KDM4C: variants seen among roughly 807,000 people sequenced by gnomAD.
KDM4C encodes the protein lysine demethylase 4C, also known as lysine-specific demethylase 4C.
Under a neutral mutation model 129.3 loss-of-function variants are expected in KDM4C, and 81 were observed. The ratio of observed to expected loss-of-function variants is 0.63; its 90% CI spans 0.52 to 0.75. KDM4C has a LOEUF of 0.75. Among genes scored for constraint, KDM4C ranks in the 30% least tolerant of loss-of-function variants. The probability of loss-of-function intolerance (pLI) is 0.00; values close to 1 mark genes in which losing one functional copy is unlikely to be tolerated. For synonymous variants in KDM4C, 573 were observed against 456.1 expected (o/e 1.26, Z -3.26); for missense variants, 1,457 against 1,304.0 (o/e 1.12, Z -1.81).
intron 8 of KDM4C, among the ~76,000 whole-genome samples, chr9:6,931,726 G>C (rs62533770): frequency 0.25 from 38,546 of 151,974 alleles, 5,407 homozygotes; most frequent in South Asian, 0.39. Flanking sequence ...GTCTTGAACT[G>C]CTGGACTCAA....
intron 15 of KDM4C, among the ~76,000 whole-genome samples, chr9:7,023,711 A>G (rs933543878): frequency 5.3e-5 from 8 of 151,898 alleles, no homozygotes; most frequent in Non-Finnish European, 1.0e-4. Flanking sequence ...GTTTTTTAAG[A>G]TGCATTGTTA....
chr9:6,983,525 C>T (rs1012693970), intron 9 of KDM4C, among the ~76,000 whole-genome samples: 1 of 150,744 alleles, frequency 6.6e-6, no homozygotes, highest in African/African-American at 2.4e-5. Flanking sequence ...CACTTGAGGC[C>T]AGGAGTTCTA....
chr9:6,834,498 G>A (rs1390557570), intron 4 of KDM4C: 6 of 634,536 alleles, frequency 9.5e-6, no homozygotes, highest in South Asian at 1.6e-5. Flanking sequence ...CAACGGCTCC[G>A]GCATGTGGAA....
intron 19 of KDM4C, among the ~76,000 whole-genome samples, chr9:7,136,502 T>C (rs1841221807): frequency 6.6e-6 from 1 of 152,208 alleles, no homozygotes; most frequent in African/African-American, 2.4e-5. Flanking sequence ...GTGTTGTCAG[T>C]CTTTTGGACA....
intron 5 of KDM4C, among the ~76,000 whole-genome samples, chr9:6,863,427 C>G (rs1048484521): frequency 1.4e-4 from 22 of 152,042 alleles, no homozygotes; most frequent in Non-Finnish European, 2.6e-4. Context: ...GCTTCTGCAT[C>G]TGGTGAGGGT....
intron 4 of KDM4C, among the ~76,000 whole-genome samples, chr9:6,837,362 T>A (rs1836072401): frequency 6.6e-6 from 1 of 152,228 alleles, no homozygotes; most frequent in Non-Finnish European, 1.5e-5. Context: ...CAGCTTATAA[T>A]CATTATTAAG....
At chr9:6,979,023 T>C (rs1816287400) in intron 8 of KDM4C, among the ~76,000 whole-genome samples, 1 of 152,174 alleles carries the variant, frequency 6.6e-6, no homozygotes, top group African/African-American at 2.4e-5. Flanking sequence ...GATGTTGCAA[T>C]TGTAATCATG....
At chr9:7,020,029 T>C (rs749569241) in intron 15 of KDM4C, among the ~76,000 whole-genome samples, 1 of 152,010 alleles carries the variant, frequency 6.6e-6, no homozygotes, top group Non-Finnish European at 1.5e-5. Flanking sequence ...GGCTGGATCT[T>C]TATCTGTGAC....
rs1843399551 is a variant in KDM4C, at chr9:7,158,243, T to A, written c.2782-6995T>A. Among the ~76,000 whole-genome samples, 5 of 152,170 alleles carry A rather than the reference T, an allele frequency of 3.3e-5. No individual in the cohort carries two copies. The South Asian group carries it at 1.0e-3, about 32-fold the overall frequency. ...TTGCATCTATGTGATTCTTCTCTCT[T>A]TTCTTCTTTACTATTCTTGCTAGCG... is the stretch of plus-strand genomic sequence containing the variant. On this transcript the variant is annotated intron_variant, in intron 19 of 21. Transcript: ENST00000381309.
intron 17 of KDM4C, among the ~76,000 whole-genome samples, chr9:7,068,003 A>G (rs985744097): frequency 2.8e-4 from 42 of 152,082 alleles, no homozygotes; most frequent in African/African-American, 9.9e-4. Flanking sequence ...TCACCATTTT[A>G]GTCAGGATGG....
At chr9:6,924,018 C>T (rs1234072635) in intron 8 of KDM4C, among the ~76,000 whole-genome samples, 3 of 152,212 alleles carry the variant, frequency 2.0e-5, no homozygotes, top group African/African-American at 4.8e-5. Context: ...GAACAGTTCT[C>T]AGCATGTCTT....
intron 8 of KDM4C, chr9:6,974,031 G>T (rs1412076628): frequency 6.6e-6 from 1 of 152,204 alleles, no homozygotes; most frequent in Non-Finnish European, 1.5e-5. Context: ...AAAACCCAAA[G>T]AGGCTGGTGG....
chr9:6,766,491 G>A (rs1300307354), intron 1 of KDM4C, among the ~76,000 whole-genome samples: 1 of 150,456 alleles, frequency 6.6e-6, no homozygotes, highest in African/African-American at 2.4e-5. Flanking sequence ...GGACATTTTA[G>A]TGGAGTTCAT....
chr9:7,169,940 C>G (rs764276427), intron 21 of KDM4C, 50 bp downstream of exon 21: 6 of 1,611,464 alleles, frequency 3.7e-6, no homozygotes, highest in Admixed American at 1.7e-5. Flanking sequence ...AATTCCTTGT[C>G]CTCACCTCAT....
At chr9:6,835,818 CT>C (rs899818004) in intron 4 of KDM4C, among the ~76,000 whole-genome samples, 1 of 151,676 alleles carries the variant, frequency 6.6e-6, no homozygotes, top group African/African-American at 2.4e-5. Context: ...GTACATTGTT[CT>C]TTTTTTTAAT....
chr9:6,985,433 T>C (rs1364493578), intron 10 of KDM4C, among the ~76,000 whole-genome samples: 1 of 152,204 alleles, frequency 6.6e-6, no homozygotes, highest in African/African-American at 2.4e-5. Context: ...GCTAGGCAAA[T>C]AACCACATAA....
rs537053679 is a variant in KDM4C at position 6,817,646 on chromosome 9, G to T, written c.435+2901G>T. On this transcript the variant is annotated intron_variant, in intron 4 of 21. Transcript: ENST00000381309. ...TTTTACTAGTATAAGTAATCTCTAT[G>T]TTGAGAATGTATTGTTTATTAAAGT... 7.2e-5 allele frequency among the ~76,000 whole-genome samples: 11 copies of T among 151,980 alleles called. No individual in the cohort carries two copies. In the South Asian group the frequency reaches 2.1e-3, roughly 29 times the overall value.
chr9:6,965,220 T>C (rs1830734879), intron 8 of KDM4C, among the ~76,000 whole-genome samples: 1 of 151,688 alleles, frequency 6.6e-6, no homozygotes, highest in Admixed American at 6.6e-5. Context: ...GCCTTGAGCT[T>C]AACACAAGGC....
intron 17 of KDM4C, among the ~76,000 whole-genome samples, chr9:7,057,137 G>T (rs929316147): frequency 6.6e-6 from 1 of 152,168 alleles, no homozygotes; most frequent in South Asian, 2.1e-4. Context: ...TATAAATTAG[G>T]TTATTCATTT....
Sources: gnomAD v4.1 joint callset for allele counts (sites outside exome capture counted in the v4.1 genomes callset) on GRCh38, gnomAD v4.1.1 for gene constraint, MANE v1.5 for transcripts, NCBI Gene and HGNC (gene_info 2026-07-23, HGNC 2026-07-21) for gene names.